The following KCNJ6 variants were observed in gnomAD, a reference collection of about 807,000 sequenced individuals.
The protein encoded by KCNJ6 is potassium inwardly rectifying channel subfamily J member 6, also known as G protein-activated inward rectifier potassium channel 2.
In KCNJ6, 9 loss-of-function variants were observed where a neutral mutation model predicts 34.2. The ratio of observed to expected loss-of-function variants is 0.26; its 90% CI spans 0.16 to 0.46. KCNJ6 has a LOEUF of 0.46. KCNJ6 is among the 20% of genes least tolerant of loss of function. The probability of loss-of-function intolerance (pLI) is 1.00; values close to 1 mark genes in which losing one functional copy is unlikely to be tolerated. For missense variants in KCNJ6, 236 were observed against 531.3 expected (o/e 0.44, Z 5.46); for synonymous variants, 196 against 207.1 (o/e 0.95, Z 0.46).
intron 1 of KCNJ6, among the ~76,000 whole-genome samples, chr21:37,891,476 C>T (rs1025984777): frequency 3.3e-5 from 5 of 152,112 alleles, no homozygotes; most frequent in Admixed American, 1.3e-4. Flanking sequence ...TGAATGGTTC[C>T]GACTAGCTAG....
Position 37,851,094 on chromosome 21 carries a change from T to C in KCNJ6, c.-27-10385A>G, listed in dbSNP as rs142536504. 3.8e-3 allele frequency among the ~76,000 whole-genome samples: 583 copies of C among 152,260 alleles called. 2 individuals carry two copies. The highest frequency in any genetic ancestry group is 0.02 in the Middle Eastern group (6 of 294). ...AAACTGCCTAATACTGTATAACCCA[T>C]GTGGAGCCCCTTAATCAGACAGGGA... On this transcript the variant is annotated intron_variant, in intron 1 of 3. Transcript: ENST00000609713.
At chr21:37,837,340 C>A (rs930887070) in intron 2 of KCNJ6, among the ~76,000 whole-genome samples, 1 of 152,112 alleles carries the variant, frequency 6.6e-6, no homozygotes, top group Non-Finnish European at 1.5e-5. Context: ...TTTATTCAAA[C>A]ATTTAAAATT....
intron 1 of KCNJ6, among the ~76,000 whole-genome samples, chr21:37,890,730 A>C (rs1308119436): frequency 1.3e-5 from 2 of 152,148 alleles, no homozygotes; most frequent in Non-Finnish European, 1.5e-5. Flanking sequence ...TGTGTGTCAA[A>C]AGGTTTTCCC....
At chr21:37,694,449 C>A (rs996856578) in intron 3 of KCNJ6, among the ~76,000 whole-genome samples, 13 of 152,126 alleles carry the variant, frequency 8.5e-5, no homozygotes, top group East Asian at 5.8e-4. Context: ...AATAAGAAGC[C>A]ACATTTTACA....
intron 3 of KCNJ6, among the ~76,000 whole-genome samples, chr21:37,626,552 T>A (rs1235310723): frequency 6.6e-6 from 1 of 152,170 alleles, no homozygotes; most frequent in African/African-American, 2.4e-5. Context: ...AATGGCAGAA[T>A]GAGGAAAAGT....
At chr21:37,748,607 T>C (rs1289599071) in intron 2 of KCNJ6, among the ~76,000 whole-genome samples, 1 of 152,194 alleles carries the variant, frequency 6.6e-6, no homozygotes, top group East Asian at 1.9e-4. Flanking sequence ...GCCCCAGTCT[T>C]AGTGGAACGC....
intron 3 of KCNJ6, among the ~76,000 whole-genome samples, chr21:37,708,831 A>G (rs138271106): frequency 5.3e-4 from 81 of 152,360 alleles, no homozygotes; most frequent in African/African-American, 1.9e-3. Flanking sequence ...ATGAAATATC[A>G]TTACTAGAAA....
chr21:37,759,220 C>A (rs765372399), intron 2 of KCNJ6, among the ~76,000 whole-genome samples: 30 of 152,318 alleles, frequency 2.0e-4, no homozygotes, highest in Admixed American at 1.0e-3. Flanking sequence ...CTGTCCTACT[C>A]TCGCCAGCTC....
intron 3 of KCNJ6, among the ~76,000 whole-genome samples, chr21:37,699,821 G>A (rs2054681430): frequency 6.6e-6 from 1 of 152,196 alleles, no homozygotes; most frequent in African/African-American, 2.4e-5. Context: ...TATAAGATGT[G>A]TGGTGAATAC....
chr21:37,630,893 A>G (rs2054330965), intron 3 of KCNJ6, among the ~76,000 whole-genome samples: 1 of 151,842 alleles, frequency 6.6e-6, no homozygotes. Context: ...CCTCTCCTTT[A>G]TCTTGAATGC....
intron 2 of KCNJ6, among the ~76,000 whole-genome samples, chr21:37,769,107 C>G (rs767730609): frequency 6.6e-6 from 1 of 152,130 alleles, no homozygotes; most frequent in African/African-American, 2.4e-5. Context: ...ATGCTGCGCA[C>G]GGGGTGATGT....
rs2054673587 is a variant in KCNJ6 at position 37,698,400 on chromosome 21, G to A, written c.946+15811C>T. Among the ~76,000 whole-genome samples, 3 of 152,242 alleles carry A rather than the reference G, an allele frequency of 2.0e-5. No individual in the cohort carries two copies. The South Asian group carries it at 6.2e-4, about 32-fold the overall frequency. The stretch of plus-strand genomic sequence containing the variant: ...TCGAAGAGCGGTTCTGGCTGGGAGT[G>A]CGGGAGGGGGGCTCATGGTCTTCCT... On this transcript the variant is annotated intron_variant, in intron 3 of 3. Transcript: ENST00000609713.
At chr21:37,678,794 T>C (rs2054578258) in intron 3 of KCNJ6, among the ~76,000 whole-genome samples, 1 of 152,188 alleles carries the variant, frequency 6.6e-6, no homozygotes, top group African/African-American at 2.4e-5. Context: ...ACTGTAGTGG[T>C]GAAGCATGTA....
chr21:37,691,599 A>G (rs1335641033), intron 3 of KCNJ6, among the ~76,000 whole-genome samples: 2 of 152,220 alleles, frequency 1.3e-5, no homozygotes, highest in Admixed American at 1.3e-4. Context: ...GCTTCTGGCT[A>G]GAATGGTTTC....
intron 1 of KCNJ6, among the ~76,000 whole-genome samples, chr21:37,849,556 C>T (rs552058742): frequency 1.3e-5 from 2 of 152,326 alleles, no homozygotes; most frequent in South Asian, 2.1e-4. Context: ...ACTCCCAGCT[C>T]CCCGCATTCC....
chr21:37,625,243 C>G lies in KCNJ6; in HGVS notation c.1188G>C (p.Glu396Asp). The change falls in exon 4 of 4, where the codon GAG (glutamate) becomes GAC (aspartate). Residue 396 changes from glutamate to aspartate, a missense_variant. Physicochemically the swap from Glu to Asp is conservative, Grantham distance 45. This residue lies in a region of KCNJ6 where 43 missense variants were observed against 52.1 expected (regional missense o/e 0.82). Coordinates refer to ENST00000609713, the MANE Select transcript of KCNJ6 (RefSeq NM_002240.5). ...SSKLNQHAEL[E>D]TEEEEKNLEE... ...CGAGGTTCTTTTCTTCCTCTTCAGT[C>G]TCCAGTTCTGCATGTTGGTTGAGTT... 2 of 1,614,232 alleles carry G rather than the reference C, an allele frequency of 1.2e-6. No homozygotes were observed. The highest frequency in any genetic ancestry group is 1.7e-6 in the Non-Finnish European group (2 of 1,180,036).
chr21:37,846,353 C>CTGTGTGTGTGTGTGTG (rs55697215), intron 1 of KCNJ6, among the ~76,000 whole-genome samples: 8 of 144,960 alleles, frequency 5.5e-5, no homozygotes, highest in African/African-American at 1.8e-4. Flanking sequence ...CTGAGACACT[C>CTGTGTGTGTGTGTGTG]TGTGTGTGTG....
chr21:37,655,224 T>A (rs13046106), intron 3 of KCNJ6, among the ~76,000 whole-genome samples: 148 of 7,404 alleles, frequency 0.02, 4 homozygotes, highest in Non-Finnish European at 0.061. Context: ...TGTGTGTGTG[T>A]GAGAGAGAGA....
At chr21:37,849,464 G>T (rs2055526868) in intron 1 of KCNJ6, among the ~76,000 whole-genome samples, 1 of 152,274 alleles carries the variant, frequency 6.6e-6, no homozygotes, top group East Asian at 1.9e-4. Flanking sequence ...TGCCATATTA[G>T]TTCCTTTCTT....
Sources: allele counts gnomAD v4.1 joint callset (sites outside exome capture counted in the v4.1 genomes callset), GRCh38; gene constraint gnomAD v4.1.1; regional missense constraint gnomAD v4.1.1; transcripts MANE v1.5; gene names NCBI Gene and HGNC (gene_info 2026-07-23, HGNC 2026-07-21).